Variants in ABTB3 observed in about 807,000 individuals in gnomAD.
ABTB3 encodes ankyrin repeat and BTB domain containing 3.
chr12:107,608,968 TATAAA>T, the ABTB3 span, among the ~76,000 whole-genome samples: 1,275 of 101,704 alleles, frequency 0.013, 42 homozygotes, highest in African/African-American at 0.027. Flanking sequence ...TAAAATAAAA[TATAAA>T]ATAAAATAAA....
chr12:107,544,181 C>A, the ABTB3 span: 2 of 1,588,788 alleles, frequency 1.3e-6, no homozygotes, highest in Non-Finnish European at 1.7e-6. Context: ...GTGGGTACTG[C>A]CTCCAGGGTG....
chr12:107,612,757 C>A, the ABTB3 span: 1 of 1,598,962 alleles, frequency 6.3e-7, no homozygotes, highest in Admixed American at 1.7e-5. Context: ...GTTTTCCGTT[C>A]TCTGGTTTTT....
the ABTB3 span, among the ~76,000 whole-genome samples, chr12:107,600,791 T>C: frequency 1.3e-5 from 2 of 152,136 alleles, no homozygotes; most frequent in African/African-American, 2.4e-5. Flanking sequence ...CAGAAACACA[T>C]GCACAGAGAA....
chr12:107,409,479 A>C, the ABTB3 span, among the ~76,000 whole-genome samples: 2 of 152,252 alleles, frequency 1.3e-5, no homozygotes, highest in Admixed American at 1.3e-4. Flanking sequence ...GCATTGCAGT[A>C]CTGTTTACAC....
At chr12:107,351,451 T>C in the ABTB3 span, among the ~76,000 whole-genome samples, 1 of 152,208 alleles carries the variant, frequency 6.6e-6, no homozygotes, top group East Asian at 1.9e-4. Flanking sequence ...ATGGCCTGGC[T>C]TCTAATGCCC....
the ABTB3 span, chr12:107,580,935 G>A: frequency 6.4e-7 from 1 of 1,551,586 alleles, no homozygotes; most frequent in Non-Finnish European, 8.7e-7. Context: ...AAGGATTCCA[G>A]AGAGCCTGCC....
chr12:107,547,391 T>C, the ABTB3 span, among the ~76,000 whole-genome samples: 1 of 152,188 alleles, frequency 6.6e-6, no homozygotes, highest in Non-Finnish European at 1.5e-5. Flanking sequence ...CCAGCTCCCA[T>C]TATACTTTCT....
chr12:107,497,561 C>CCAT, the ABTB3 span, among the ~76,000 whole-genome samples: 31 of 152,098 alleles, frequency 2.0e-4, no homozygotes, highest in African/African-American at 7.0e-4. Context: ...ATCGTCACCA[C>CCAT]CATCATCATC....
the ABTB3 span, among the ~76,000 whole-genome samples, chr12:107,440,062 G>T: frequency 1.1e-4 from 16 of 152,174 alleles, no homozygotes; most frequent in African/African-American, 3.9e-4. Flanking sequence ...AGTCTTGTCT[G>T]GTTCATTACC....
At chr12:107,429,396 A>G in the ABTB3 span, among the ~76,000 whole-genome samples, 1 of 152,162 alleles carries the variant, frequency 6.6e-6, no homozygotes, top group Non-Finnish European at 1.5e-5. Context: ...CACCCCTGTC[A>G]ATTTAAAATT....
At chr12:107,520,546 C>T in the ABTB3 span, 3 of 1,614,240 alleles carry the variant, frequency 1.9e-6, no homozygotes, top group South Asian at 3.3e-5. Context: ...GTCAAACAAG[C>T]CAGGGGAACT....
the ABTB3 span, among the ~76,000 whole-genome samples, chr12:107,583,169 A>C: frequency 6.6e-6 from 1 of 152,170 alleles, no homozygotes; most frequent in Non-Finnish European, 1.5e-5. Context: ...TGTGAGCACA[A>C]AGTAGGATAA....
chr12:107,420,376 G>A, the ABTB3 span, among the ~76,000 whole-genome samples: 8 of 152,166 alleles, frequency 5.3e-5, no homozygotes, highest in African/African-American at 9.7e-5. Flanking sequence ...GGCGGGGGAG[G>A]CCTCACAATC....
At chr12:107,329,829 A>AACAC in the ABTB3 span, among the ~76,000 whole-genome samples, 1 of 152,248 alleles carries the variant, frequency 6.6e-6, no homozygotes, top group Non-Finnish European at 1.5e-5. Context: ...AATGTTGAGC[A>AACAC]ACACAGTCCC....
At chr12:107,656,964 A>T in the ABTB3 span, among the ~76,000 whole-genome samples, 1 of 152,068 alleles carries the variant, frequency 6.6e-6, no homozygotes. Context: ...AATCACTTGA[A>T]CCCGGGAGGT....
chr12:107,489,542 C>T, the ABTB3 span, among the ~76,000 whole-genome samples: 1 of 152,020 alleles, frequency 6.6e-6, no homozygotes, highest in South Asian at 2.1e-4. Context: ...AACAAACAAA[C>T]AAACAAACAA....
the ABTB3 span, among the ~76,000 whole-genome samples, chr12:107,340,090 T>C: frequency 1.3e-5 from 2 of 152,112 alleles, no homozygotes; most frequent in Non-Finnish European, 2.9e-5. Context: ...AACGAAATTG[T>C]TGTGAATACT....
the ABTB3 span, among the ~76,000 whole-genome samples, chr12:107,340,527 A>G: frequency 1.3e-5 from 2 of 152,142 alleles, no homozygotes; most frequent in African/African-American, 4.8e-5. Context: ...ATAAATCTGA[A>G]TAGGAAGATA....
chr12:107,632,964 C>T, the ABTB3 span, among the ~76,000 whole-genome samples: 1 of 152,200 alleles, frequency 6.6e-6, no homozygotes, highest in African/African-American at 2.4e-5. Context: ...ACTGGGATCT[C>T]TTTGTCATCT....
Sources: gnomAD v4.1 joint callset for allele counts (sites outside exome capture counted in the v4.1 genomes callset) on GRCh38, gnomAD v4.1.1 for gene constraint, MANE v1.5 for transcripts, NCBI Gene and HGNC (gene_info 2026-07-23, HGNC 2026-07-21) for gene names.